Variants in SYNPR observed in about 807,000 individuals in gnomAD.
SYNPR encodes the protein synaptoporin.
Under a neutral mutation model 32.9 loss-of-function variants are expected in SYNPR, and 23 were observed. That is an observed-to-expected ratio of 0.70 (90% confidence interval 0.50 to 0.99). The LOEUF is 0.99. Ranked by LOEUF, SYNPR falls within the 50% of genes least tolerant of loss-of-function variation. The pLI, the probability that SYNPR is intolerant of heterozygous loss-of-function variation, is 0.00. For missense variants in SYNPR, 318 were observed against 349.3 expected (o/e 0.91, Z 0.71); for synonymous variants, 146 against 135.9 (o/e 1.07, Z -0.52).
At chr3:63,325,370 A>G (rs2087154643) in intron 2 of SYNPR, among the ~76,000 whole-genome samples, 1 of 152,038 alleles carries the variant, frequency 6.6e-6, no homozygotes, top group African/African-American at 2.4e-5. Context: ...ATTTGAACCT[A>G]CAACCTACCT....
intron 2 of SYNPR, among the ~76,000 whole-genome samples, chr3:63,453,270 C>G (rs1700413907): frequency 6.6e-6 from 1 of 152,098 alleles, no homozygotes; most frequent in Admixed American, 6.6e-5. Context: ...GACCTCAGCT[C>G]TCTTCACAGA....
upstream of SYNPR, chr3:63,228,247 G>C (rs548013611): frequency 2.0e-5 from 3 of 152,274 alleles, no homozygotes; most frequent in East Asian, 3.9e-4. Context: ...TGCTGCTTAA[G>C]AATCTATCTA....
intron 2 of SYNPR, among the ~76,000 whole-genome samples, chr3:63,324,237 A>G (rs147673377): frequency 6.6e-6 from 1 of 152,198 alleles, no homozygotes; most frequent in African/African-American, 2.4e-5. Flanking sequence ...AAGAGTGGCC[A>G]CCTTGATGAA....
the SYNPR span, among the ~76,000 whole-genome samples, chr3:63,202,035 C>G: frequency 2.0e-5 from 3 of 152,004 alleles, no homozygotes; most frequent in Non-Finnish European, 2.9e-5. Context: ...GCCAGGAGTT[C>G]AGTAAGTTTT....
intron 2 of SYNPR, among the ~76,000 whole-genome samples, chr3:63,465,187 G>A (rs1244315064): frequency 6.6e-6 from 1 of 152,106 alleles, no homozygotes; most frequent in African/African-American, 2.4e-5. Context: ...TTAGGCTATG[G>A]TGATCCTTCA....
intron 2 of SYNPR, chr3:63,443,572 TA>T: frequency 7.6e-7 from 1 of 1,316,922 alleles, no homozygotes; most frequent in Non-Finnish European, 1.0e-6. Context: ...TCTTTCCAAG[TA>T]TCAGTTTTTA....
At chr3:63,439,561 G>GGC (rs911402410) in intron 2 of SYNPR, among the ~76,000 whole-genome samples, 1 of 152,094 alleles carries the variant, frequency 6.6e-6, no homozygotes, top group African/African-American at 2.4e-5. Flanking sequence ...CAAAAAATCA[G>GGC]CTACTGTATG....
chr3:63,367,342 ATTATTTATTTAT>A (rs3081092), intron 2 of SYNPR, among the ~76,000 whole-genome samples: 3 of 143,588 alleles, frequency 2.1e-5, no homozygotes, highest in Non-Finnish European at 4.6e-5. Context: ...TCACTGTTGA[ATTATTTATTTAT>A]TTATTTATTT....
intron 2 of SYNPR, among the ~76,000 whole-genome samples, chr3:63,337,162 GC>G (rs1407862390): frequency 6.9e-6 from 1 of 144,832 alleles, no homozygotes; most frequent in African/African-American, 2.6e-5. Context: ...ACCCAAGGAG[GC>G]AGAGGTTGCA....
intron 2 of SYNPR, among the ~76,000 whole-genome samples, chr3:63,306,536 T>TA (rs5849547): frequency 4.1e-4 from 61 of 148,944 alleles, no homozygotes; most frequent in East Asian, 2.2e-3. Context: ...TACCAGTGAT[T>TA]AAAAAAAAAA....
chr3:63,227,574 A>G (rs959924989), upstream of SYNPR, among the ~76,000 whole-genome samples: 1 of 152,188 alleles, frequency 6.6e-6, no homozygotes, highest in Non-Finnish European at 1.5e-5. Flanking sequence ...ATTCCATGTT[A>G]TCAGGGTCTC....
chr3:63,343,663 G>A (rs1264424714), intron 2 of SYNPR, among the ~76,000 whole-genome samples: 1 of 152,168 alleles, frequency 6.6e-6, no homozygotes, highest in African/African-American at 2.4e-5. Context: ...CTGCTCTATT[G>A]TGGCTTTTCT....
In SYNPR at chr3:63,336,519, C is replaced by CAAAAAAAAAAAAAAAAAAAAAAAAAAA. The variant is rs3082131; in HGVS notation, c.84+57794_84+57820dup. The stretch of plus-strand genomic sequence containing the variant: ...ACTAGAACAAGTGGACATTCCCATG[C>CAAAAAAAAAAAAAAAAAAAAAAAAAAA]AAAAAAAAAAAAAAAAAAAAAAAAA... On this transcript the variant is annotated intron_variant, in intron 2 of 5. Coordinates refer to ENST00000478300, the MANE Select transcript of SYNPR (RefSeq NM_001130003.2). Among the ~76,000 whole-genome samples, 8 of 48,816 alleles carry CAAAAAAAAAAAAAAAAAAAAAAAAAAA rather than the reference C, an allele frequency of 1.6e-4. 1 individual carries two copies. The highest frequency in any genetic ancestry group is 3.5e-4 in the African/African-American group (5 of 14,328). 32.0% of individuals were successfully genotyped at this position (48,816 alleles called of 152,430 possible).
chr3:63,552,679 C>T (rs142657166), intron 3 of SYNPR, among the ~76,000 whole-genome samples: 65 of 152,234 alleles, frequency 4.3e-4, no homozygotes, highest in African/African-American at 1.3e-3. Context: ...GTAATTCTAA[C>T]GCCAGTGGTC....
chr3:63,595,741 A>T (rs1326043519), intron 4 of SYNPR, among the ~76,000 whole-genome samples: 5 of 46,026 alleles, frequency 1.1e-4, no homozygotes, highest in African/African-American at 4.3e-4. Flanking sequence ...ATATATATAT[A>T]TATATATATA....
At chr3:63,367,589 C>T (rs2087742816) in intron 2 of SYNPR, among the ~76,000 whole-genome samples, 1 of 152,060 alleles carries the variant, frequency 6.6e-6, no homozygotes, top group Admixed American at 6.6e-5. Context: ...CTTCTGAGCT[C>T]AGGTGATCTG....
At chr3:63,400,234 G>A (rs1182025517) in intron 2 of SYNPR, among the ~76,000 whole-genome samples, 1 of 152,196 alleles carries the variant, frequency 6.6e-6, no homozygotes, top group Admixed American at 6.5e-5. Flanking sequence ...ATCTATTGGT[G>A]CGTGACAAAA....
chr3:63,321,345 A>T (rs2087108765), intron 2 of SYNPR, among the ~76,000 whole-genome samples: 1 of 152,076 alleles, frequency 6.6e-6, no homozygotes, highest in South Asian at 2.1e-4. Context: ...AAGTCCAAAG[A>T]AGAAAGTATG....
At chr3:63,532,653 A>G (rs548695715) in intron 3 of SYNPR, among the ~76,000 whole-genome samples, 3 of 152,366 alleles carry the variant, frequency 2.0e-5, no homozygotes, top group Admixed American at 1.3e-4. Flanking sequence ...CCAGATTTAA[A>G]GACTGCTAAG....
Sources: gnomAD v4.1 joint callset for allele counts (sites outside exome capture counted in the v4.1 genomes callset) on GRCh38, gnomAD v4.1.1 for gene constraint, MANE v1.5 for transcripts, NCBI Gene and HGNC (gene_info 2026-07-23, HGNC 2026-07-21) for gene names.